NDUFB11: variants seen among roughly 807,000 people sequenced by gnomAD.
NDUFB11 encodes NADH dehydrogenase [ubiquinone] 1 beta subcomplex subunit 11, mitochondrial.
For synonymous variants in NDUFB11, 51 were observed against 57.4 expected, an observed-to-expected ratio of 0.89 and a Z score of 0.51; for missense variants, 108 against 133.8, an observed-to-expected ratio of 0.81 and a Z score of 0.95.
chrX:47,144,069 G>A (rs1371227574), intron 1 of NDUFB11, among the ~76,000 whole-genome samples: 2 of 109,091 alleles, frequency 1.8e-5, no homozygotes, highest in Non-Finnish European at 3.8e-5. Context: ...GAGGCGAGAG[G>A]ATCGCTTGAG....
In NDUFB11 at chrX:47,142,420, C is replaced by T. The variant is rs782753177; in HGVS notation, c.359G>A (p.Arg120His). The T allele has an allele frequency of 2.6e-5, 32 of 1,209,942 alleles. No homozygotes were observed. The highest frequency in any genetic ancestry group is 1.8e-4 in the South Asian group (10 of 56,832). ...PDYRMKEWSRREAERLVKYRE... is the reference protein window; with the variant it reads ...PDYRMKEWSRHEAERLVKYRE... ...GTATTTCACAAGCCTCTCAGCTTCG[C>T]GGCGGGACCACTCTTTCATCCTGGT... is the stretch of plus-strand genomic sequence containing the variant. The change falls in exon 3 of 3, where the codon CGC becomes CAC. Residue 120 changes from arginine (R) to histidine (H), a missense_variant. Arg to His is a conservative substitution (Grantham distance 29, BLOSUM62 0). Transcript: ENST00000377811.
chrX:47,145,402 C>T (rs1932021478), upstream of NDUFB11: 1 of 1,140,777 alleles, frequency 8.8e-7, no homozygotes, highest in Non-Finnish European at 1.2e-6. Context: ...GCTCCGGCTC[C>T]GGCTGAGCTG....
At chrX:47,144,703 A>AG (rs1556761358), upstream of NDUFB11, 4 of 1,112,610 alleles carry the variant, frequency 3.6e-6, no homozygotes, top group Non-Finnish European at 4.7e-6. Context: ...GCAGGGTCTC[A>AG]GGGGCGGGGA....
chrX:47,142,903 G>C lies in NDUFB11; in HGVS notation c.208-159C>G, dbSNP rs782365737. On this transcript the variant is annotated intron_variant, in intron 1 of 2. Coordinates refer to ENST00000377811, the MANE Select transcript of NDUFB11 (RefSeq NM_001135998.3). The stretch of plus-strand genomic sequence containing the variant: ...TTCCCACTGCAGGGCCACTGCACTT[G>C]CTGCTCTCTCTGCCTGGAAAGCCTT... Among the ~76,000 whole-genome samples, 3 of 112,055 alleles carry C rather than the reference G, an allele frequency of 2.7e-5. 1 individual carries two copies. The South Asian group carries it at 1.1e-3, about 41-fold the overall frequency.
intron 1 of NDUFB11, 28 bp downstream of exon 1, chrX:47,144,445 T>TCCC (rs1569162233): frequency 3.3e-5 from 2 of 61,250 alleles, no homozygotes; most frequent in Non-Finnish European, 2.6e-5. Context: ...CCGTCCCCAC[T>TCCC]ACCCCCCCCC....
At chrX:47,143,461 C>A (rs923319612) in intron 1 of NDUFB11, among the ~76,000 whole-genome samples, 1 of 111,958 alleles carries the variant, frequency 8.9e-6, no homozygotes, top group Non-Finnish European at 1.9e-5. Flanking sequence ...TCCTATATAT[C>A]CAAGCCCCTT....
chrX:47,145,352 C>G, upstream of NDUFB11: 1 of 953,334 alleles, frequency 1.0e-6, no homozygotes, highest in Non-Finnish European at 1.5e-6. Flanking sequence ...CTTCTCCCCT[C>G]CCCCCGATCT....
chrX:47,144,189 T>C (rs942015696), intron 1 of NDUFB11, among the ~76,000 whole-genome samples: 3 of 109,457 alleles, frequency 2.7e-5, no homozygotes, highest in African/African-American at 1.0e-4. Context: ...TTTAGTATTA[T>C]CGTTGTACTA....
At chrX:47,143,560 G>A (rs1931846710) in intron 1 of NDUFB11, among the ~76,000 whole-genome samples, 1 of 112,564 alleles carries the variant, frequency 8.9e-6, no homozygotes, top group African/African-American at 3.2e-5. Flanking sequence ...GGTGAAACAT[G>A]GCAATAATAA....
upstream of NDUFB11, chrX:47,145,186 A>T: frequency 2.3e-6 from 1 of 428,215 alleles, no homozygotes; most frequent in African/African-American, 2.4e-5. Context: ...GCGGGCGGTG[A>T]CCAATCGCCG....
intron 1 of NDUFB11, 28 bp downstream of exon 1, chrX:47,144,445 T>TGGGCCCCCCCCCC: frequency 1.6e-5 from 1 of 61,005 alleles, no homozygotes; most frequent in African/African-American, 4.9e-4. Context: ...CCGTCCCCAC[T>TGGGCCCCCCCCCC]ACCCCCCCCC....
intron 1 of NDUFB11, among the ~76,000 whole-genome samples, chrX:47,143,750 G>A (rs1478202012): frequency 1.8e-5 from 2 of 111,839 alleles, no homozygotes; most frequent in East Asian, 2.8e-4. Context: ...AAGATCACAC[G>A]GGTGGGTAAC....
chrX:47,142,513 T>C, intron 2 of NDUFB11, 73 bp from the exon 3 acceptor site: 3 of 1,203,636 alleles, frequency 2.5e-6, no homozygotes, highest in Non-Finnish European at 2.2e-6. Context: ...CAGCTCCCCA[T>C]TCCCAATGGT....
In NDUFB11 at chrX:47,142,752, G is replaced by A; in HGVS notation, c.208-8C>T. Reference sequence around the variant, plus strand: ...ACCATGGGAGTCTGGGTTCTGTGGAGAAATAGAGGTCAATGAGGGCTTCCT... The same window carrying A: ...ACCATGGGAGTCTGGGTTCTGTGGAAAAATAGAGGTCAATGAGGGCTTCCT... On this transcript the variant is annotated splice_region_variant and splice_polypyrimidine_tract_variant and intron_variant, in intron 1 of 2. Coordinates refer to ENST00000377811, the MANE Select transcript of NDUFB11 (RefSeq NM_001135998.3). 2 of 1,206,083 alleles carry A rather than the reference G, an allele frequency of 1.7e-6. No homozygotes were observed.
At chrX:47,144,445 T>TGGCCCCCCCCCCCCCCC in intron 1 of NDUFB11, 28 bp downstream of exon 1, 2 of 61,005 alleles carry the variant, frequency 3.3e-5, no homozygotes, top group South Asian at 2.1e-4. Flanking sequence ...CCGTCCCCAC[T>TGGCCCCCCCCCCCCCCC]ACCCCCCCCC....
intron 1 of NDUFB11, 81 bp downstream of exon 1, chrX:47,144,392 A>C: frequency 1.4e-6 from 1 of 733,048 alleles, no homozygotes; most frequent in Non-Finnish European, 1.8e-6. Context: ...AACGTCCTCT[A>C]CAGCGCCCCA....
chrX:47,145,372 C>T (rs1026371805), upstream of NDUFB11: 10 of 1,065,239 alleles, frequency 9.4e-6, no homozygotes, highest in Admixed American at 1.8e-4. Context: ...TGCCTCCAGT[C>T]TCGGACTTGG....
upstream of NDUFB11, chrX:47,144,702 CA>C (rs1189466727): frequency 1.8e-6 from 2 of 1,120,424 alleles, no homozygotes; most frequent in African/African-American, 1.8e-5. Context: ...TGCAGGGTCT[CA>C]GGGGCGGGGA....
rs142555630 is a variant in NDUFB11, at chrX:47,143,203, G to A, written c.208-459C>T. On this transcript the variant is annotated intron_variant, in intron 1 of 2. Transcript: ENST00000377811. ...TTCCTTCTGTCTCTTTCTAGTCTAT[G>A]TTTACCTAAGTAGCATACTTTCCCC... is the stretch of plus-strand genomic sequence containing the variant. 5.2e-3 allele frequency among the ~76,000 whole-genome samples: 584 copies of A among 112,220 alleles called. 3 individuals are homozygous for A. Among genetic ancestry groups the A allele is most frequent in the African/African-American group, 0.018 (563 of 30,880 alleles).
Sources: gnomAD v4.1 joint callset for allele counts (sites outside exome capture counted in the v4.1 genomes callset) on GRCh38, gnomAD v4.1.1 for gene constraint, MANE v1.5 for transcripts, NCBI Gene and HGNC (gene_info 2026-07-23, HGNC 2026-07-21) for gene names.